EYA2: variants seen among roughly 807,000 people sequenced by gnomAD.
EYA2 encodes protein phosphatase EYA2.
EYA2 carries 31 observed loss-of-function variants against 69.2 expected under a neutral mutation model. The observed-to-expected ratio is 0.45, with a 90% CI of 0.34 to 0.60. EYA2 has a LOEUF of 0.60. EYA2 is among the 20% of genes least tolerant of loss of function. EYA2 has a pLI of 0.02. For synonymous variants in EYA2, 257 were observed against 279.4 expected (o/e 0.92, Z 0.80); for missense variants, 622 against 701.2 (o/e 0.89, Z 1.28).
In EYA2 at chr20:46,952,217, G is replaced by A. The variant is rs377555270; in HGVS notation, c.-10-37784G>A. On this transcript the variant is annotated intron_variant, in intron 1 of 15. Coordinates refer to ENST00000327619, the MANE Select transcript of EYA2 (RefSeq NM_005244.5). Reference sequence around the variant, plus strand: ...CTCTGGCAGAGGCCTGAGAGGGGCAGGGAGAGCCGTGGGCATGTCTGAAAG... The same window carrying A: ...CTCTGGCAGAGGCCTGAGAGGGGCAAGGAGAGCCGTGGGCATGTCTGAAAG... Among the ~76,000 whole-genome samples the A allele has an allele frequency of 1.8e-4, 28 of 152,250 alleles. No individual in the cohort carries two copies. In the South Asian group the frequency reaches 5.6e-3, roughly 30 times the overall value.
At chr20:46,905,081 TA>T (rs959387623) in intron 1 of EYA2, among the ~76,000 whole-genome samples, 1 of 151,104 alleles carries the variant, frequency 6.6e-6, no homozygotes, top group African/African-American at 2.4e-5. Flanking sequence ...AGTTATAAAT[TA>T]AAAAAAAGTC....
At chr20:47,083,410 C>A (rs987591608) in intron 7 of EYA2, among the ~76,000 whole-genome samples, 1 of 151,918 alleles carries the variant, frequency 6.6e-6, no homozygotes, top group Non-Finnish European at 1.5e-5. Context: ...AACCCCGTCT[C>A]TACTAAATAT....
chr20:47,079,505 A>C (rs2031641272), intron 7 of EYA2, among the ~76,000 whole-genome samples: 1 of 152,186 alleles, frequency 6.6e-6, no homozygotes, highest in African/African-American at 2.4e-5. Flanking sequence ...GACCCCTTAT[A>C]AGGACTGTTG....
chr20:47,054,883 A>G lies in EYA2; in HGVS notation c.416-17302A>G, dbSNP rs75538250. ...TGACTTAATATTTTTACAGGAATTT[A>G]TTGTAAACTGCAGCTATTACGGGCT... On this transcript the variant is annotated intron_variant, in intron 5 of 15. Coordinates refer to ENST00000327619, the MANE Select transcript of EYA2 (RefSeq NM_005244.5). Among the ~76,000 whole-genome samples, 759 of 152,320 alleles carry G rather than the reference A, an allele frequency of 5.0e-3. 6 individuals are homozygous for G. The highest frequency in any genetic ancestry group is 0.017 in the African/African-American group (725 of 41,568).
chr20:47,017,246 A>G lies in EYA2; in HGVS notation c.415+949A>G, dbSNP rs546723169. On this transcript the variant is annotated intron_variant, in intron 5 of 15. Coordinates refer to ENST00000327619, the MANE Select transcript of EYA2 (RefSeq NM_005244.5). ...TCCCCATTCTGCTGTTTCCCTTTATATAAGCTGCTAAAAATTACCATCAAG... is the reference window on the plus strand; with the variant it reads ...TCCCCATTCTGCTGTTTCCCTTTATGTAAGCTGCTAAAAATTACCATCAAG... 2.2e-4 allele frequency among the ~76,000 whole-genome samples: 33 copies of G among 152,282 alleles called. 1 individual carries two copies. The highest frequency in any genetic ancestry group is 7.7e-4 in the African/African-American group (32 of 41,556).
At chr20:46,970,949 G>A (rs13036789) in intron 1 of EYA2, among the ~76,000 whole-genome samples, 384 of 4,186 alleles carry the variant, frequency 0.092, 3 homozygotes, top group African/African-American at 0.13. Context: ...ATACTATGAC[G>A]GGGGAAATAG....
At chr20:47,141,828 C>T (rs1352227217) in intron 9 of EYA2, among the ~76,000 whole-genome samples, 3 of 152,172 alleles carry the variant, frequency 2.0e-5, no homozygotes, top group Non-Finnish European at 4.4e-5. Flanking sequence ...ATATCACTGG[C>T]CAAAGCAAGT....
intron 5 of EYA2, among the ~76,000 whole-genome samples, chr20:47,048,001 G>T (rs1003069149): frequency 1.4e-5 from 2 of 148,090 alleles, no homozygotes; most frequent in Non-Finnish European, 3.0e-5. Context: ...AGACAATTGT[G>T]ATTATATTGG....
chr20:47,154,819 T>TTGTGTGTGTGTGTGTGTGTGTG (rs11472542), intron 10 of EYA2, among the ~76,000 whole-genome samples: 1 of 140,794 alleles, frequency 7.1e-6, no homozygotes, highest in African/African-American at 2.7e-5. Flanking sequence ...TTATTTTGTT[T>TTGTGTGTGTGTGTGTGTGTGTG]TGTGTGTGTG....
At chr20:47,146,788 C>A (rs571091942) in intron 10 of EYA2, among the ~76,000 whole-genome samples, 2 of 152,194 alleles carry the variant, frequency 1.3e-5, no homozygotes, top group African/African-American at 4.8e-5. Context: ...TTCCTTCCCG[C>A]GTCCAGCAGC....
At chr20:47,131,674 T>C (rs1013474983) in intron 9 of EYA2, among the ~76,000 whole-genome samples, 8 of 152,220 alleles carry the variant, frequency 5.3e-5, no homozygotes, top group African/African-American at 1.9e-4. Context: ...GAAGGGGCCA[T>C]GAGCCCAGGA....
At chr20:47,126,364 C>T (rs374994592) in intron 9 of EYA2, among the ~76,000 whole-genome samples, 1 of 152,186 alleles carries the variant, frequency 6.6e-6, no homozygotes, top group Non-Finnish European at 1.5e-5. Context: ...TTCCACCCAT[C>T]ACCTCCCTAA....
intron 9 of EYA2, among the ~76,000 whole-genome samples, chr20:47,106,276 G>A (rs563487907): frequency 3.3e-5 from 5 of 152,210 alleles, no homozygotes; most frequent in Admixed American, 2.6e-4. Context: ...TGTAGCCCCC[G>A]GACCTAGCAC....
intron 1 of EYA2, among the ~76,000 whole-genome samples, chr20:46,911,861 A>G (rs1984659801): frequency 6.6e-6 from 1 of 151,812 alleles, no homozygotes. Context: ...GAAAAGTTCT[A>G]GTGTTCAAAA....
intron 5 of EYA2, among the ~76,000 whole-genome samples, chr20:47,023,639 T>TTTTG (rs1555813796): frequency 1.4e-5 from 1 of 70,696 alleles, no homozygotes; most frequent in Non-Finnish European, 4.7e-5. Flanking sequence ...GGTGTTTTTT[T>TTTTG]TTTTTTTTTT....
At chr20:47,098,403 A>G (rs757704908) in intron 9 of EYA2, among the ~76,000 whole-genome samples, 1 of 152,218 alleles carries the variant, frequency 6.6e-6, no homozygotes, top group Non-Finnish European at 1.5e-5. Context: ...ACTCCTGTAA[A>G]GTCACCTCCC....
chr20:46,938,535 C>T (rs1986018255), intron 1 of EYA2, among the ~76,000 whole-genome samples: 1 of 152,134 alleles, frequency 6.6e-6, no homozygotes, highest in African/African-American at 2.4e-5. Context: ...CATGGTGGAG[C>T]TCATGCATGT....
chr20:47,071,857 C>A (rs1385843629), intron 5 of EYA2: 3 of 259,566 alleles, frequency 1.2e-5, no homozygotes, highest in African/African-American at 2.2e-5. Flanking sequence ...TGGGTCTGGG[C>A]CGCCAACATG....
intron 12 of EYA2, among the ~76,000 whole-genome samples, chr20:47,178,620 C>T (rs983971153): frequency 6.6e-6 from 1 of 152,050 alleles, no homozygotes; most frequent in Admixed American, 6.6e-5. Flanking sequence ...TTGAGAAATA[C>T]CCAGGGTAGC....
Sources: allele counts gnomAD v4.1 joint callset (sites outside exome capture counted in the v4.1 genomes callset), GRCh38; gene constraint gnomAD v4.1.1; transcripts MANE v1.5; gene names NCBI Gene and HGNC (gene_info 2026-07-23, HGNC 2026-07-21).